AFF1: variants seen among roughly 807,000 people sequenced by gnomAD.
AFF1 encodes the protein AF4/FMR2 family member 1.
AFF1 carries 48 observed loss-of-function variants against 121.7 expected under a neutral mutation model. The ratio of observed to expected loss-of-function variants is 0.39; its 90% CI spans 0.31 to 0.50. AFF1 has a LOEUF of 0.50. AFF1 is among the 20% of genes least tolerant of loss of function. The probability of loss-of-function intolerance (pLI) is 0.76; values close to 1 mark genes in which losing one functional copy is unlikely to be tolerated. For synonymous variants in AFF1, 613 were observed against 563.0 expected (o/e 1.09, Z -1.26); for missense variants, 1,523 against 1,511.7 (o/e 1.01, Z -0.12).
chr4:87,119,566 G>A (rs1264264624), intron 12 of AFF1, among the ~76,000 whole-genome samples: 2 of 152,158 alleles, frequency 1.3e-5, no homozygotes, highest in African/African-American at 4.8e-5. Flanking sequence ...GTAAGACCCT[G>A]TCTCTAAAAA....
chr4:86,993,465 G>T (rs917438225), intron 2 of AFF1, among the ~76,000 whole-genome samples: 5 of 152,230 alleles, frequency 3.3e-5, no homozygotes, highest in African/African-American at 1.2e-4. Context: ...GGAAAATTTA[G>T]GGATAGTTTC....
chr4:86,968,795 T>G (rs1228471704), intron 2 of AFF1, among the ~76,000 whole-genome samples: 2 of 152,238 alleles, frequency 1.3e-5, no homozygotes, highest in African/African-American at 2.4e-5. Flanking sequence ...GGATATCTTT[T>G]GCATAACACA....
chr4:86,975,096 C>G (rs780499744), intron 2 of AFF1, among the ~76,000 whole-genome samples: 18 of 152,092 alleles, frequency 1.2e-4, no homozygotes, highest in Non-Finnish European at 2.5e-4. Flanking sequence ...TTTCCTACTT[C>G]TCTCTTGTGC....
intron 19 of AFF1, 100 bp from the exon 20 acceptor site, chr4:87,134,371 A>G: frequency 8.6e-7 from 1 of 1,160,462 alleles, no homozygotes; most frequent in Non-Finnish European, 1.2e-6. Flanking sequence ...TGTATAGTGA[A>G]ACTTTGTGTC....
Position 87,135,123 on chromosome 4 carries a change from T to G in AFF1, c.3535+429T>G, listed in dbSNP as rs545422526. Among the ~76,000 whole-genome samples the G allele has an allele frequency of 3.3e-5, 5 of 152,304 alleles. No individual in the cohort carries two copies. In the South Asian group the frequency reaches 1.0e-3, roughly 32 times the overall value. ...TATATGTTAAGAAAGATAGTAGCTA[T>G]GGTACGAGAGATACAGCGTAGTAAA... On this transcript the variant is annotated intron_variant, in intron 20 of 20. Coordinates refer to ENST00000395146, the MANE Select transcript of AFF1 (RefSeq NM_001166693.3).
chr4:87,026,401 A>T (rs953379745), intron 2 of AFF1, among the ~76,000 whole-genome samples: 1 of 151,990 alleles, frequency 6.6e-6, no homozygotes, highest in Non-Finnish European at 1.5e-5. Context: ...CCCTGCTGAG[A>T]CCATTCCCTG....
chr4:86,946,098 G>A (rs181473195), intron 1 of AFF1, among the ~76,000 whole-genome samples: 1 of 152,126 alleles, frequency 6.6e-6, no homozygotes, highest in East Asian at 1.9e-4. Context: ...GACCTGGGGG[G>A]TTGCTCACTC....
intron 12 of AFF1, among the ~76,000 whole-genome samples, chr4:87,123,248 A>G (rs1190251929): frequency 6.6e-6 from 1 of 152,072 alleles, no homozygotes; most frequent in Non-Finnish European, 1.5e-5. Context: ...ACTTTAATCA[A>G]CTCCCAAAAT....
intron 2 of AFF1, among the ~76,000 whole-genome samples, chr4:86,965,486 G>C (rs62306461): frequency 6.6e-6 from 1 of 152,162 alleles, no homozygotes. Flanking sequence ...GAAGGGTATA[G>C]CCTGTAGAGG....
At chr4:86,981,427 G>T (rs144663764) in intron 2 of AFF1, among the ~76,000 whole-genome samples, 2 of 152,172 alleles carry the variant, frequency 1.3e-5, no homozygotes, top group African/African-American at 4.8e-5. Flanking sequence ...GAGTGCAGTG[G>T]TGTGATCGCG....
chr4:87,069,692 G>C (rs1167143231), intron 4 of AFF1, among the ~76,000 whole-genome samples: 3 of 129,644 alleles, frequency 2.3e-5, no homozygotes, highest in African/African-American at 3.5e-5. Flanking sequence ...AATGGTGAGA[G>C]TGACAGTAGA....
chr4:86,966,080 T>A (rs1369584193), intron 2 of AFF1, among the ~76,000 whole-genome samples: 4 of 151,064 alleles, frequency 2.6e-5, no homozygotes, highest in Non-Finnish European at 3.0e-5. Context: ...TTTTTTTTTT[T>A]AAGTTCTGGG....
intron 4 of AFF1, among the ~76,000 whole-genome samples, chr4:87,066,349 T>A (rs1382062559): frequency 1.3e-5 from 2 of 152,180 alleles, no homozygotes; most frequent in Non-Finnish European, 2.9e-5. Context: ...CATGCCAGGC[T>A]GAGGTGGGAG....
At chr4:87,044,378 A>G (rs1730462584) in intron 2 of AFF1, among the ~76,000 whole-genome samples, 1 of 152,192 alleles carries the variant, frequency 6.6e-6, no homozygotes, top group African/African-American at 2.4e-5. Context: ...ACCATGCTTT[A>G]GCACCAAGAG....
At chr4:86,998,766 G>T (rs950496269) in intron 2 of AFF1, among the ~76,000 whole-genome samples, 7 of 152,166 alleles carry the variant, frequency 4.6e-5, no homozygotes, top group African/African-American at 1.7e-4. Context: ...AGTGGAGGGG[G>T]TGGTAGTGGT....
intron 1 of AFF1, among the ~76,000 whole-genome samples, chr4:86,941,589 T>A (rs1416538598): frequency 6.6e-6 from 1 of 151,702 alleles, no homozygotes; most frequent in Non-Finnish European, 1.5e-5. Flanking sequence ...GGGGTGGAGG[T>A]TGCAGTGAGC....
chr4:87,068,978 C>T (rs1243068924), intron 4 of AFF1, among the ~76,000 whole-genome samples: 1 of 152,150 alleles, frequency 6.6e-6, no homozygotes, highest in Non-Finnish European at 1.5e-5. Flanking sequence ...TATGCAGCAG[C>T]TGGAGGTTCA....
In AFF1 at chr4:87,134,574, A is replaced by G. The variant is rs773913499; in HGVS notation, c.3415A>G (p.Thr1139Ala). 8 of 1,614,098 alleles carry G rather than the reference A, an allele frequency of 5.0e-6. No individual in the cohort carries two copies. Among genetic ancestry groups the G allele is most frequent in the Non-Finnish European group, 6.8e-6 (8 of 1,179,976 alleles). The change falls in exon 20 of 21, where the codon ACT becomes GCT. Residue 1139 changes from threonine (T) to alanine (A), a missense_variant. By Grantham distance (58) the Thr-to-Ala change is moderately conservative. Transcript: ENST00000395146. ...TGTGGGGAGCAGTGGGGTGGCTGCCACTATCAGCACCCCAGTCACCATCCA... is the reference window on the plus strand; with the variant it reads ...TGTGGGGAGCAGTGGGGTGGCTGCCGCTATCAGCACCCCAGTCACCATCCA... The part of the protein sequence containing the change: ...GSVGSSGVAA[T>A]ISTPVTIQNM...
At chr4:86,996,723 A>C (rs924231578) in intron 2 of AFF1, among the ~76,000 whole-genome samples, 1 of 141,696 alleles carries the variant, frequency 7.1e-6, no homozygotes, top group East Asian at 1.9e-4. Context: ...ATGATCAATT[A>C]AAACAAACAA....
Sources: allele counts gnomAD v4.1 joint callset (sites outside exome capture counted in the v4.1 genomes callset), GRCh38; gene constraint gnomAD v4.1.1; transcripts MANE v1.5; gene names NCBI Gene and HGNC (gene_info 2026-07-23, HGNC 2026-07-21).